The following ITSN1 variants were observed in gnomAD, a reference collection of about 807,000 sequenced individuals.
The protein encoded by ITSN1 is intersectin-1.
In ITSN1, 58 loss-of-function variants were observed where a neutral mutation model predicts 239.8. That is an observed-to-expected ratio of 0.24 (90% confidence interval 0.20 to 0.30). The LOEUF is 0.30. Among genes scored for constraint, ITSN1 ranks in the 10% least tolerant of loss-of-function variants. The probability of loss-of-function intolerance (pLI) is 1.00; values close to 1 mark genes in which losing one functional copy is unlikely to be tolerated. For synonymous variants in ITSN1, 780 were observed against 770.8 expected, an observed-to-expected ratio of 1.01 and a Z score of -0.20; for missense variants, 1,558 against 2,103.3, an observed-to-expected ratio of 0.74 and a Z score of 5.07.
chr21:33,735,602 A>C (rs1045075034), intron 5 of ITSN1: 1 of 227,042 alleles, frequency 4.4e-6, no homozygotes, highest in Non-Finnish European at 8.7e-6. Flanking sequence ...TATGGCATCT[A>C]GAAATATATA....
At chr21:33,710,798 G>GTT (rs200574566) in intron 1 of ITSN1, among the ~76,000 whole-genome samples, 52 of 148,088 alleles carry the variant, frequency 3.5e-4, no homozygotes, top group African/African-American at 1.3e-3. Context: ...TTTGGGGGAA[G>GTT]TTTTTTGTTT....
At position 33,772,288 on chromosome 21, in the gene ITSN1, G is replaced by C; in HGVS notation, c.1270G>C (p.Glu424Gln). 2 of 1,559,998 alleles carry C rather than the reference G, an allele frequency of 1.3e-6. No homozygotes were observed. Among genetic ancestry groups the C allele is most frequent in the Non-Finnish European group, 1.7e-6 (2 of 1,151,460 alleles). Reference protein sequence around the residue: ...EKQRELERQREEERRKEIERR... With the variant: ...EKQRELERQRQEERRKEIERR... ...GCAGCGGGAGCTAGAACGGCAGAGA[G>C]AGGAGGAGAGGAGGAAAGAAATTGA... Residue 424 changes from glutamate (E) to glutamine (Q), a missense_variant, in exon 12 of 40, where the codon GAG (glutamate) becomes CAG (glutamine). Physicochemically the swap from Glu to Gln is conservative, Grantham distance 29. Coordinates refer to ENST00000381318, the MANE Select transcript of ITSN1 (RefSeq NM_003024.3).
chr21:33,821,687 T>C (rs1232215376), intron 24 of ITSN1, among the ~76,000 whole-genome samples: 1 of 152,210 alleles, frequency 6.6e-6, no homozygotes, highest in Non-Finnish European at 1.5e-5. Context: ...GTCTCCTTTA[T>C]ATTTTATACT....
At position 33,865,318 on chromosome 21, in the gene ITSN1, T is replaced by C; in HGVS notation, c.4058T>C (p.Phe1353Ser). 1 of 1,568,038 alleles carries C rather than the reference T, an allele frequency of 6.4e-7. No individual in the cohort carries two copies. The highest frequency in any genetic ancestry group is 1.9e-5 in the Admixed American group (1 of 52,492). Residue 1353 changes from phenylalanine to serine, a missense_variant, in exon 32 of 40, where the codon TTC becomes TCC. Phe to Ser is a radical substitution (Grantham distance 155). Coordinates refer to ENST00000381318, the MANE Select transcript of ITSN1 (RefSeq NM_003024.3). This position sits in a 1 kb window ranked among gnomAD's most constrained non-coding sequence, Gnocchi z 4.4. ...IQQKTDEAPD[F>S]KEFVKRLAMD... ...CAGAAGACGGATGAGGCCCCAGACTTCAAGGAGTTCGTCAAAGTAAGGAGC... is the reference window on the plus strand; with the variant it reads ...CAGAAGACGGATGAGGCCCCAGACTCCAAGGAGTTCGTCAAAGTAAGGAGC...
intron 3 of ITSN1, among the ~76,000 whole-genome samples, chr21:33,721,544 C>T (rs2065480243): frequency 6.6e-6 from 1 of 152,008 alleles, no homozygotes; most frequent in African/African-American, 2.4e-5. Flanking sequence ...ACCTGTAATC[C>T]CAGCACTCTG....
At chr21:33,777,933 C>G (rs749157606) in intron 14 of ITSN1, among the ~76,000 whole-genome samples, 3 of 152,070 alleles carry the variant, frequency 2.0e-5, no homozygotes, top group Non-Finnish European at 2.9e-5. Context: ...TTGTAAACAC[C>G]TTTTATCAGG....
chr21:33,749,641 CA>C (rs558593343), intron 5 of ITSN1, among the ~76,000 whole-genome samples: 80 of 130,074 alleles, frequency 6.2e-4, no homozygotes, highest in East Asian at 1.5e-3. Flanking sequence ...GACTCCATCT[CA>C]AAAAAAAAAA....
intron 20 of ITSN1, among the ~76,000 whole-genome samples, chr21:33,809,374 TG>T: frequency 6.6e-6 from 1 of 152,198 alleles, no homozygotes; most frequent in East Asian, 1.9e-4. Context: ...ATCCCCTACT[TG>T]CTGAATATAT....
chr21:33,824,547 G>A (rs962152559), intron 25 of ITSN1, among the ~76,000 whole-genome samples: 3 of 152,098 alleles, frequency 2.0e-5, no homozygotes, highest in Non-Finnish European at 4.4e-5. Context: ...TGTAGGGGCC[G>A]CTTTCTCAGG....
chr21:33,832,127 C>T (rs981891369), intron 27 of ITSN1, among the ~76,000 whole-genome samples: 4 of 152,176 alleles, frequency 2.6e-5, no homozygotes, highest in Non-Finnish European at 5.9e-5. Context: ...CGTCTCCACT[C>T]CAGCCTCTTT....
At chr21:33,827,170 C>T (rs2074017041) in intron 26 of ITSN1, among the ~76,000 whole-genome samples, 2 of 152,130 alleles carry the variant, frequency 1.3e-5, no homozygotes, top group Admixed American at 1.3e-4. Context: ...GAGACCGAGG[C>T]AGGTGGATCA....
intron 4 of ITSN1, among the ~76,000 whole-genome samples, chr21:33,728,432 G>C (rs1019998788): frequency 1.3e-5 from 2 of 151,240 alleles, no homozygotes; most frequent in Admixed American, 1.3e-4. Flanking sequence ...GTTTCACCAT[G>C]TTGGGCAGGA....
chr21:33,691,351 C>T (rs181993140), intron 1 of ITSN1, among the ~76,000 whole-genome samples: 15 of 152,214 alleles, frequency 9.9e-5, no homozygotes, highest in African/African-American at 3.4e-4. Flanking sequence ...TTTACTCCAC[C>T]TGGGACAATT....
Position 33,794,487 on chromosome 21 carries a change from G to A in ITSN1, c.1952+19G>A. ...CCCAAAGGTGAGTCTTCTTTGGATT[G>A]TGGACTCATCTGGAAGGAACTTTGA... On this transcript the variant is annotated intron_variant, in intron 17 of 39. Transcript: ENST00000381318. 1 of 1,601,848 alleles carries A rather than the reference G, an allele frequency of 6.2e-7. No individual in the cohort carries two copies. Among genetic ancestry groups the A allele is most frequent in the Admixed American group, 1.8e-5 (1 of 57,032 alleles).
chr21:33,775,336 C>T (rs2069514398), intron 14 of ITSN1, among the ~76,000 whole-genome samples: 1 of 152,180 alleles, frequency 6.6e-6, no homozygotes, highest in Admixed American at 6.5e-5. Context: ...TTTGCAGTTT[C>T]TGAGGCTACA....
At chr21:33,836,306 C>A (rs919235822) in intron 28 of ITSN1, 135 bp from the exon 29 acceptor site, 7 of 543,458 alleles carry the variant, frequency 1.3e-5, no homozygotes, top group African/African-American at 7.8e-5. Context: ...AAAAGCCCAA[C>A]AGAACAGTTC....
At chr21:33,812,644 G>A (rs1427624095) in intron 21 of ITSN1, among the ~76,000 whole-genome samples, 2 of 152,040 alleles carry the variant, frequency 1.3e-5, no homozygotes, top group African/African-American at 2.4e-5. Flanking sequence ...GCCTACAGGT[G>A]CATGCCACCA....
At chr21:33,781,440 A>G (rs367898593) in intron 14 of ITSN1, 21 bp from the exon 15 acceptor site, 162 of 1,391,344 alleles carry the variant, frequency 1.2e-4, no homozygotes, top group Non-Finnish European at 1.5e-4. Context: ...ATTCATTACT[A>G]TTTTCCTCCT....
chr21:33,850,056 G>A (rs2075109644), intron 29 of ITSN1, among the ~76,000 whole-genome samples: 1 of 152,196 alleles, frequency 6.6e-6, no homozygotes, highest in African/African-American at 2.4e-5. Flanking sequence ...TGCCCATTAT[G>A]AAGCTATGAA....
Sources: gnomAD v4.1 joint callset for allele counts (sites outside exome capture counted in the v4.1 genomes callset) on GRCh38, gnomAD v4.1.1 for gene constraint, Gnocchi (gnomAD v3.1) non-coding constraint, MANE v1.5 for transcripts, NCBI Gene and HGNC (gene_info 2026-07-23, HGNC 2026-07-21) for gene names.